The following PCDHA11 variants were observed in gnomAD, a reference collection of about 807,000 sequenced individuals.
The protein encoded by PCDHA11 is protocadherin alpha-11.
PCDHA11 carries 61 observed loss-of-function variants against 70.3 expected under a neutral mutation model. That is an observed-to-expected ratio of 0.87 (90% CI 0.71 to 1.07). PCDHA11 has a LOEUF of 1.07. Ranked by LOEUF, PCDHA11 falls within the 50% of genes least tolerant of loss-of-function variation. PCDHA11 has a pLI of 0.00. For synonymous variants in PCDHA11, 633 were observed against 555.1 expected (o/e 1.14, Z -1.97); for missense variants, 1,324 against 1,237.5 (o/e 1.07, Z -1.05).
chr5:140,892,733 C>G lies in PCDHA11; in HGVS notation c.2391+21239C>G, dbSNP rs183181952. Reference sequence around the variant, plus strand: ...CATATTCATAATCTCAAACATTTACCATTTTTGCATGGTGAACATTTAAAA... The same window carrying G: ...CATATTCATAATCTCAAACATTTACGATTTTTGCATGGTGAACATTTAAAA... On this transcript the variant is annotated intron_variant, in intron 1 of 3. Coordinates refer to ENST00000398640, the MANE Select transcript of PCDHA11 (RefSeq NM_018902.5). Among the ~76,000 whole-genome samples the G allele has an allele frequency of 8.1e-4, 123 of 152,172 alleles. No individual in the cohort carries two copies. In the Middle Eastern group the frequency reaches 0.02, roughly 25 times the overall value.
chr5:140,871,302 G>T lies in PCDHA11; in HGVS notation c.2199G>T (p.Pro733=), dbSNP rs2052939724. ...CGCCCACTGAGGGCGCGTGCGCGCCGGGGAAGCCCACGCTGGTGTGCTCCC... is the reference window on the plus strand; with the variant it reads ...CGCCCACTGAGGGCGCGTGCGCGCCTGGGAAGCCCACGCTGGTGTGCTCCC... ...SATPTEGACA[P]GKPTLVCSRA... The change falls in exon 1 of 4, where the codon CCG becomes CCT. Residue 733 remains proline, a synonymous_variant. Coordinates refer to ENST00000398640, the MANE Select transcript of PCDHA11 (RefSeq NM_018902.5). 1.9e-6 allele frequency: 3 copies of T among 1,613,974 alleles called. 1 individual carries two copies. Among genetic ancestry groups the T allele is most frequent in the South Asian group, 2.2e-5 (2 of 91,078 alleles).
intron 3 of PCDHA11, among the ~76,000 whole-genome samples, chr5:140,994,613 G>A (rs1452021453): frequency 2.0e-5 from 3 of 152,082 alleles, no homozygotes; most frequent in Admixed American, 6.5e-5. Flanking sequence ...GCTGAGGCAC[G>A]AGAGTCACTT....
intron 1 of PCDHA11, chr5:140,927,342 T>C: frequency 6.2e-7 from 1 of 1,614,160 alleles, no homozygotes; most frequent in Non-Finnish European, 8.5e-7. Context: ...ATGCCCAAGA[T>C]GACGACGAGG....
Position 141,009,656 on chromosome 5 carries a change from G to T in PCDHA11, c.2569G>T (p.Val857Phe). The T allele has an allele frequency of 6.2e-7, 1 of 1,614,000 alleles. No individual in the cohort carries two copies. The highest frequency in any genetic ancestry group is 8.5e-7 in the Non-Finnish European group (1 of 1,179,978). Residue 857 changes from valine (V) to phenylalanine (F), a missense_variant, in exon 4 of 4, where the codon GTC (valine) becomes TTC (phenylalanine). Physicochemically the swap from Val to Phe is conservative, Grantham distance 50. Coordinates refer to ENST00000398640, the MANE Select transcript of PCDHA11 (RefSeq NM_018902.5). The stretch of plus-strand genomic sequence containing the variant: ...AGAGGCAGGAGAAGTGTCCCCTCCA[G>T]TCGGTGCGGGTGTCAACAGCAACAG... Reference protein sequence around the residue: ...EPEAGEVSPPVGAGVNSNSWT... With the variant: ...EPEAGEVSPPFGAGVNSNSWT...
At chr5:140,970,597 TA>T (rs2096419556) in intron 1 of PCDHA11, among the ~76,000 whole-genome samples, 4 of 152,198 alleles carry the variant, frequency 2.6e-5, no homozygotes, top group Non-Finnish European at 5.9e-5. Context: ...TGCTTTGTGA[TA>T]CTTAAAACTT....
intron 1 of PCDHA11, among the ~76,000 whole-genome samples, chr5:140,972,660 ATTTTTTT>A (rs11350929): frequency 8.5e-6 from 1 of 117,268 alleles, no homozygotes; most frequent in Admixed American, 9.2e-5. Flanking sequence ...AAGAAACCAA[ATTTTTTT>A]TTTTTTTTTT....
chr5:141,010,188 T>G lies in PCDHA11; in HGVS notation c.*251T>G. 6.4e-7 allele frequency: 1 copy of G among 1,553,070 alleles called. No individual in the cohort carries two copies. On this transcript the variant is annotated 3_prime_UTR_variant, in exon 4 of 4. Coordinates refer to ENST00000398640, the MANE Select transcript of PCDHA11 (RefSeq NM_018902.5). ...CAGAACCTAAAAAGCAGACCCAAGT[T>G]TCCTTTCTCCTCCGCCGCAAAGGAG...
intron 1 of PCDHA11, among the ~76,000 whole-genome samples, chr5:140,926,076 T>C (rs2082906284): frequency 1.3e-5 from 2 of 152,204 alleles, no homozygotes; most frequent in Admixed American, 1.3e-4. Context: ...TCGTCTCTAT[T>C]GCCCTCTTGG....
In PCDHA11 at chr5:140,877,394, A is replaced by G. The variant is rs538259450; in HGVS notation, c.2391+5900A>G. 5.6e-6 allele frequency: 9 copies of G among 1,613,930 alleles called. No individual in the cohort carries two copies. In the South Asian group the frequency reaches 8.8e-5, roughly 16 times the overall value. On this transcript the variant is annotated intron_variant, in intron 1 of 3. Transcript: ENST00000398640. ...ACGACACGCATCCTGGATGAGGCGG[A>G]CGCTCCGCGCCACCGCCTGCTGGTG... is the stretch of plus-strand genomic sequence containing the variant.
chr5:141,006,177 AAG>A (rs2098258661), intron 3 of PCDHA11, among the ~76,000 whole-genome samples: 2 of 151,826 alleles, frequency 1.3e-5, no homozygotes, highest in African/African-American at 4.8e-5. Context: ...ATATTTTTAA[AAG>A]AGTTTGCTAT....
rs782357436 is a variant in PCDHA11, at chr5:140,876,751, G to T, written c.2391+5257G>T. On this transcript the variant is annotated intron_variant, in intron 1 of 3. Transcript: ENST00000398640. ...GTCGGCCTATGAGCTGGTGGTGACTGCGCGGGATGGGGGCTCGCCTTCGCT... is the reference window on the plus strand; with the variant it reads ...GTCGGCCTATGAGCTGGTGGTGACTTCGCGGGATGGGGGCTCGCCTTCGCT... 2.5e-6 allele frequency: 4 copies of T among 1,614,258 alleles called. No individual in the cohort carries two copies. The Admixed American group carries it at 6.7e-5, about 27-fold the overall frequency.
chr5:140,949,880 A>G (rs1448161802), intron 1 of PCDHA11, among the ~76,000 whole-genome samples: 1 of 151,692 alleles, frequency 6.6e-6, no homozygotes, highest in African/African-American at 2.4e-5. Flanking sequence ...TTATTTGGGT[A>G]TTCCTCAGAA....
At chr5:140,969,529 T>G in intron 1 of PCDHA11, 7 of 1,377,800 alleles carry the variant, frequency 5.1e-6, no homozygotes, top group Non-Finnish European at 6.8e-6. Flanking sequence ...GTTTTATTTT[T>G]CATTTTCAGA....
chr5:140,987,293 T>C (rs2097246211), intron 3 of PCDHA11, among the ~76,000 whole-genome samples: 1 of 152,134 alleles, frequency 6.6e-6, no homozygotes, highest in African/African-American at 2.4e-5. Context: ...TAACAAGCCT[T>C]CTATGTGATA....
intron 1 of PCDHA11, among the ~76,000 whole-genome samples, chr5:140,916,342 T>C (rs1365738177): frequency 2.0e-5 from 3 of 152,122 alleles, no homozygotes; most frequent in Admixed American, 6.5e-5. Context: ...TTCCTCTGTT[T>C]CTGTCAAACA....
chr5:140,877,112 G>T (rs782384853), intron 1 of PCDHA11: 18 of 1,613,552 alleles, frequency 1.1e-5, no homozygotes, highest in African/African-American at 4.0e-5. Context: ...CCTCTGGGCA[G>T]CAACGTGACG....
chr5:140,896,596 C>T (rs1554187019), intron 1 of PCDHA11, among the ~76,000 whole-genome samples: 2 of 151,466 alleles, frequency 1.3e-5, no homozygotes, highest in African/African-American at 4.9e-5. Flanking sequence ...AGGCTGGTCT[C>T]GAACTCCTGG....
At chr5:140,884,299 G>A in intron 1 of PCDHA11, 1 of 1,613,736 alleles carries the variant, frequency 6.2e-7, no homozygotes, top group Non-Finnish European at 8.5e-7. Context: ...AAGCGCCACA[G>A]GCTTCGTCGA....
chr5:140,926,948 CG>C, intron 1 of PCDHA11: 2 of 1,589,778 alleles, frequency 1.3e-6, no homozygotes, highest in African/African-American at 1.3e-5. Context: ...GGCGCTGCAG[CG>C]GGACAGCTCG....
Sources: allele counts gnomAD v4.1 joint callset (sites outside exome capture counted in the v4.1 genomes callset), GRCh38; gene constraint gnomAD v4.1.1; transcripts MANE v1.5; gene names NCBI Gene and HGNC (gene_info 2026-07-23, HGNC 2026-07-21).